Variants in PCDHGB5 observed in about 807,000 individuals in gnomAD.
PCDHGB5 encodes the protein protocadherin gamma subfamily B, 5.
A neutral mutation model predicts 62.9 loss-of-function variants in PCDHGB5; 48 were observed. The ratio of observed to expected loss-of-function variants is 0.76; its 90% CI spans 0.61 to 0.97. The LOEUF (loss-of-function observed/expected upper bound fraction) is 0.97. PCDHGB5 is among the 50% of genes least tolerant of loss of function. The probability of loss-of-function intolerance (pLI) is 0.00; values close to 1 mark genes in which losing one functional copy is unlikely to be tolerated. For missense variants in PCDHGB5, 1,118 were observed against 1,198.6 expected (o/e 0.93, Z 0.99); for synonymous variants, 474 against 511.2 (o/e 0.93, Z 0.98).
chr5:141,493,141 C>T lies in PCDHGB5; in HGVS notation c.2398-1666C>T, dbSNP rs1327581425. On this transcript the variant is annotated intron_variant, in intron 1 of 3. Coordinates refer to ENST00000617380, the MANE Select transcript of PCDHGB5 (RefSeq NM_018925.3). This position sits in a 1 kb window ranked among gnomAD's most constrained non-coding sequence, Gnocchi z 4.3. ...CTCCTAGGACTGTATTTTGAAACAC[C>T]CCCAGGTGATTTTGATAGCTGATTG... Among the ~76,000 whole-genome samples the T allele has an allele frequency of 1.4e-5, 2 of 146,284 alleles. No homozygotes were observed. Among genetic ancestry groups the T allele is most frequent in the East Asian group, 2.0e-4 (1 of 5,022 alleles).
intron 1 of PCDHGB5, among the ~76,000 whole-genome samples, chr5:141,457,343 T>C (rs1372992422): frequency 6.6e-6 from 1 of 152,240 alleles, no homozygotes; most frequent in African/African-American, 2.4e-5. Flanking sequence ...TTACTTACTT[T>C]CATTACCTGG....
chr5:141,423,546 G>A, intron 1 of PCDHGB5: 1 of 1,613,708 alleles, frequency 6.2e-7, no homozygotes, highest in Non-Finnish European at 8.5e-7. Flanking sequence ...TTTTCCCCCA[G>A]CCCAACTATG....
Position 141,431,529 on chromosome 5 carries a change from T to G in PCDHGB5, c.2397+31005T>G, listed in dbSNP as rs145601545. The G allele has an allele frequency of 2.5e-6, 4 of 1,614,074 alleles. No homozygotes were observed. The highest frequency in any genetic ancestry group is 3.4e-6 in the Non-Finnish European group (4 of 1,180,030). ...GCGAGCGTTCCGGAGAATCTGGCCT[T>G]GGGCACGCAGCTGCTTGTAGTCAAC... On this transcript the variant is annotated intron_variant, in intron 1 of 3. Coordinates refer to ENST00000617380, the MANE Select transcript of PCDHGB5 (RefSeq NM_018925.3). The surrounding 1 kb of genome is among the most constrained non-coding windows in gnomAD (Gnocchi z 4.8).
intron 1 of PCDHGB5, chr5:141,416,678 G>T (rs2096051953): frequency 6.6e-6 from 1 of 151,990 alleles, no homozygotes; most frequent in Non-Finnish European, 1.5e-5. Flanking sequence ...TGCAACGAAG[G>T]GAAATTATAT....
chr5:141,454,564 G>A (rs896426143), intron 1 of PCDHGB5, among the ~76,000 whole-genome samples: 1 of 151,874 alleles, frequency 6.6e-6, no homozygotes, highest in Non-Finnish European at 1.5e-5. Context: ...GTGCCACCAC[G>A]CCCGGCTAAT....
At chr5:141,414,633 A>C (rs1368963927) in intron 1 of PCDHGB5, 1 of 1,613,988 alleles carries the variant, frequency 6.2e-7, no homozygotes, top group South Asian at 1.1e-5. Context: ...CGGACAGCAA[A>C]GAGAATGCCC....
chr5:141,471,977 A>G (rs1487329441), intron 1 of PCDHGB5, among the ~76,000 whole-genome samples: 1 of 152,212 alleles, frequency 6.6e-6, no homozygotes, highest in Non-Finnish European at 1.5e-5. Context: ...ATTACTGTAT[A>G]AATTTATTAA....
Position 141,432,108 on chromosome 5 carries a change from C to T in PCDHGB5, c.2397+31584C>T, listed in dbSNP as rs1432933024. The T allele has an allele frequency of 1.9e-6, 3 of 1,614,180 alleles. No homozygotes were observed. The highest frequency in any genetic ancestry group is 1.7e-5 in the Admixed American group (1 of 60,020). Reference sequence around the variant, plus strand: ...GTGGCAGACACCAACGACAACCCGCCGGTCTTCCCTCAGGCCTCCTATTCC... The same window carrying T: ...GTGGCAGACACCAACGACAACCCGCTGGTCTTCCCTCAGGCCTCCTATTCC... On this transcript the variant is annotated intron_variant, in intron 1 of 3. Coordinates refer to ENST00000617380, the MANE Select transcript of PCDHGB5 (RefSeq NM_018925.3). The surrounding 1 kb of genome is among the most constrained non-coding windows in gnomAD (Gnocchi z 6.0).
intron 2 of PCDHGB5, among the ~76,000 whole-genome samples, chr5:141,499,317 A>G (rs532848559): frequency 7.9e-5 from 12 of 152,354 alleles, no homozygotes; most frequent in Admixed American, 1.3e-4. Context: ...GAGAGACAGT[A>G]TCCCTGCTCT....
intron 1 of PCDHGB5, chr5:141,409,175 G>T: frequency 6.2e-7 from 1 of 1,614,008 alleles, no homozygotes; most frequent in Non-Finnish European, 8.5e-7. Flanking sequence ...GAAGGACGGA[G>T]GTGGTCTCTC....
At position 141,485,683 on chromosome 5, in the gene PCDHGB5, T is replaced by C. The variant is rs2099617681; in HGVS notation, c.2398-9124T>C. ...TGGGGAGCAATTCGATTAGCAGCTA[T>C]AGGCTGAGCTCCAATGAACACTTTG... On this transcript the variant is annotated intron_variant, in intron 1 of 3. Coordinates refer to ENST00000617380, the MANE Select transcript of PCDHGB5 (RefSeq NM_018925.3). This position sits in a 1 kb window ranked among gnomAD's most constrained non-coding sequence, Gnocchi z 5.7. 3.7e-6 allele frequency: 6 copies of C among 1,614,042 alleles called. No individual in the cohort carries two copies. The South Asian group carries it at 4.4e-5, about 12-fold the overall frequency.
rs200464357 is a variant in PCDHGB5 at position 141,489,983 on chromosome 5, G to A, written c.2398-4824G>A. 4.5e-5 allele frequency: 73 copies of A among 1,614,172 alleles called. No homozygotes were observed. Among genetic ancestry groups the A allele is most frequent in the Middle Eastern group, 3.3e-4 (2 of 6,062 alleles). ...CCAACCTTCCAATCCTCAGTTCTAC[G>A]TGTGGGAATCCCAGAGAATGCACCC... On this transcript the variant is annotated intron_variant, in intron 1 of 3. Coordinates refer to ENST00000617380, the MANE Select transcript of PCDHGB5 (RefSeq NM_018925.3). This position sits in a 1 kb window ranked among gnomAD's most constrained non-coding sequence, Gnocchi z 4.5.
chr5:141,496,234 T>C (rs2154591884), intron 2 of PCDHGB5, among the ~76,000 whole-genome samples: 1 of 152,232 alleles, frequency 6.6e-6, no homozygotes, highest in Middle Eastern at 3.4e-3. Context: ...AGGAACCCCC[T>C]GCGGGCTGAA....
At chr5:141,446,296 G>A (rs2098497546) in intron 1 of PCDHGB5, among the ~76,000 whole-genome samples, 1 of 152,160 alleles carries the variant, frequency 6.6e-6, no homozygotes, top group Non-Finnish European at 1.5e-5. Context: ...GGGGAGCAGG[G>A]ATTAAGAGTG....
chr5:141,505,320 C>G, intron 2 of PCDHGB5, 73 bp from the exon 3 acceptor site: 2 of 1,605,358 alleles, frequency 1.2e-6, no homozygotes, highest in Non-Finnish European at 1.7e-6. Context: ...TTTGGGAGCC[C>G]TGGGAGAGGA....
Position 141,423,580 on chromosome 5 carries a change from A to C in PCDHGB5, c.2397+23056A>C, listed in dbSNP as rs368022774. 46 of 1,613,286 alleles carry C rather than the reference A, an allele frequency of 2.9e-5. No individual in the cohort carries two copies. In the African/African-American group the frequency reaches 5.6e-4, roughly 20 times the overall value. On this transcript the variant is annotated intron_variant, in intron 1 of 3. Coordinates refer to ENST00000617380, the MANE Select transcript of PCDHGB5 (RefSeq NM_018925.3). ...TGGGGACACGCTCATCAGCCAGGAGAGCTGTGAGAAAAGCGAGCCACTCTT... is the reference window on the plus strand; with the variant it reads ...TGGGGACACGCTCATCAGCCAGGAGCGCTGTGAGAAAAGCGAGCCACTCTT...
In PCDHGB5 at chr5:141,397,984, A is replaced by G; in HGVS notation, c.-144A>G. On this transcript the variant is annotated 5_prime_UTR_variant, in exon 1 of 4. Coordinates refer to ENST00000617380, the MANE Select transcript of PCDHGB5 (RefSeq NM_018925.3). ...CAGACTCCCCAGCGCCGGCCTTTAC[A>G]CCGCTTCCTCCTCGGAAAAAGAATC... 1.4e-5 allele frequency: 18 copies of G among 1,310,016 alleles called. No individual in the cohort carries two copies. The highest frequency in any genetic ancestry group is 1.9e-5 in the Non-Finnish European group (18 of 970,510). The allele number at this position is 1,310,016 out of a possible 1,614,324, so 81.1% of individuals were successfully genotyped here.
rs1227487225 is a variant in PCDHGB5, at chr5:141,491,275, G to C, written c.2398-3532G>C. The C allele has an allele frequency of 2.5e-6, 4 of 1,614,082 alleles. 1 individual carries two copies. In the South Asian group the frequency reaches 4.4e-5, roughly 18 times the overall value. On this transcript the variant is annotated intron_variant, in intron 1 of 3. Transcript: ENST00000617380. This position sits in a 1 kb window ranked among gnomAD's most constrained non-coding sequence, Gnocchi z 6.9. Reference sequence around the variant, plus strand: ...CCCTGAGGAAATGCCCAAATCCAGTGACTTCCTCATACACCCTCCTGAGCG... The same window carrying C: ...CCCTGAGGAAATGCCCAAATCCAGTCACTTCCTCATACACCCTCCTGAGCG...
intron 1 of PCDHGB5, chr5:141,403,502 A>G: frequency 6.2e-7 from 1 of 1,613,998 alleles, no homozygotes; most frequent in Non-Finnish European, 8.5e-7. Context: ...GAACGTGCAG[A>G]CTGGAGACAA....
Sources: gnomAD v4.1 joint callset for allele counts (sites outside exome capture counted in the v4.1 genomes callset) on GRCh38, gnomAD v4.1.1 for gene constraint, Gnocchi (gnomAD v3.1) non-coding constraint, MANE v1.5 for transcripts, NCBI Gene and HGNC (gene_info 2026-07-23, HGNC 2026-07-21) for gene names.